Variants in EPHB2 observed in about 807,000 individuals in gnomAD.
The protein encoded by EPHB2 is ephrin type-B receptor 2.
EPHB2 carries 18 observed loss-of-function variants against 96.4 expected under a neutral mutation model. That is an observed-to-expected ratio of 0.19 (90% CI 0.13 to 0.28). EPHB2 has a LOEUF of 0.28. Ranked by LOEUF, EPHB2 falls within the 10% of genes least tolerant of loss-of-function variation. EPHB2 has a pLI of 1.00. For missense variants in EPHB2, 989 were observed against 1,355.4 expected (o/e 0.73, Z 4.25); for synonymous variants, 506 against 534.1 (o/e 0.95, Z 0.72).
chr1:22,836,160 G>T (rs1057058335), intron 3 of EPHB2: 1 of 152,226 alleles, frequency 6.6e-6, no homozygotes. Context: ...CCTTTCCAGC[G>T]TAGCCGCTTT....
intron 1 of EPHB2, among the ~76,000 whole-genome samples, chr1:22,761,918 G>A (rs986036828): frequency 2.0e-5 from 3 of 152,264 alleles, no homozygotes; most frequent in East Asian, 3.8e-4. Context: ...GGGCGTCCAC[G>A]TGTCTGCTGC....
chr1:22,776,945 CAG>C (rs751491356), intron 1 of EPHB2, among the ~76,000 whole-genome samples: 4 of 152,334 alleles, frequency 2.6e-5, no homozygotes, highest in East Asian at 1.9e-4. Flanking sequence ...CACCACCTCT[CAG>C]GGGACCACAG....
At chr1:22,800,321 C>T (rs1173864504) in intron 3 of EPHB2, 1 of 152,278 alleles carries the variant, frequency 6.6e-6, no homozygotes, top group Non-Finnish European at 1.5e-5. Flanking sequence ...GGGCTGCGCA[C>T]AGAGCTTGCC....
At position 22,919,988 on chromosome 1, in the gene EPHB2, AAG is replaced by A. The variant is rs1039982840; in HGVS notation, c.*6421_*6422del. 6.6e-6 allele frequency: 1 copy of A among 152,112 alleles called. No homozygotes were observed. The highest frequency in any genetic ancestry group is 1.5e-5 in the Non-Finnish European group (1 of 68,012). 9.4% of individuals were successfully genotyped at this position (152,112 alleles called of 1,614,324 possible). A position where few individuals can be genotyped will look rare whatever the true frequency, so the allele number is the denominator to read the frequency against. On this transcript the variant is annotated 3_prime_UTR_variant, in exon 16 of 16. Transcript: ENST00000374630. ...CATTTTTTTAAAAGCACAAAAAAAAAAGAGCAAGAAAGAGAGAAAGAGATGGG... is the reference window on the plus strand; with the variant it reads ...CATTTTTTTAAAAGCACAAAAAAAAAAGCAAGAAAGAGAGAAAGAGATGGG...
intron 3 of EPHB2, among the ~76,000 whole-genome samples, chr1:22,789,068 T>C (rs1401887679): frequency 2.0e-5 from 3 of 152,168 alleles, no homozygotes; most frequent in Admixed American, 2.0e-4. Context: ...TCAGCATTTT[T>C]AAACAAGCAG....
rs561916712 is a variant in EPHB2 at position 22,860,228 on chromosome 1, A to T, written c.812-2809A>T. On this transcript the variant is annotated intron_variant, in intron 3 of 15. Transcript: ENST00000374630. The surrounding 1 kb of genome is among the most constrained non-coding windows in gnomAD (Gnocchi z 4.6). ...GTGGGAGGAGGCCAGATGGCGTGAG[A>T]GGCTGAGGAGTGGGTGGAAAGAGCT... 6.6e-6 allele frequency among the ~76,000 whole-genome samples: 1 copy of T among 152,210 alleles called. No homozygotes were observed. The highest frequency in any genetic ancestry group is 1.9e-4 in the East Asian group (1 of 5,174).
intron 2 of EPHB2, among the ~76,000 whole-genome samples, chr1:22,781,898 C>T (rs1268679079): frequency 6.6e-6 from 1 of 152,132 alleles, no homozygotes; most frequent in Non-Finnish European, 1.5e-5. Context: ...GATGAGAAAA[C>T]CGAGGCTCAG....
chr1:22,831,526 T>C (rs529895314), intron 3 of EPHB2, among the ~76,000 whole-genome samples: 1 of 152,070 alleles, frequency 6.6e-6, no homozygotes, highest in South Asian at 2.1e-4. Flanking sequence ...GTCAGTCTAC[T>C]ATTATTTCCA....
chr1:22,795,465 CGTTTTGTTTT>C (rs71982185), intron 3 of EPHB2, among the ~76,000 whole-genome samples: 10 of 11,870 alleles, frequency 8.4e-4, no homozygotes, highest in South Asian at 2.1e-3. Context: ...AACTGGTTTC[CGTTTTGTTTT>C]GTTTTGTTTT....
chr1:22,827,678 C>A (rs1017796659), intron 3 of EPHB2, among the ~76,000 whole-genome samples: 13 of 152,208 alleles, frequency 8.5e-5, no homozygotes, highest in Non-Finnish European at 1.6e-4. Flanking sequence ...CTCAATCAAA[C>A]CATGCCAGTG....
chr1:22,865,017 G>A lies in EPHB2; in HGVS notation c.1108G>A (p.Gly370Ser), dbSNP rs749323641. 1 of 1,612,254 alleles carries A rather than the reference G, an allele frequency of 6.2e-7. No individual in the cohort carries two copies. The highest frequency in any genetic ancestry group is 1.7e-5 in the Admixed American group (1 of 59,980). Residue 370 changes from glycine (G) to serine (S), a missense_variant, in exon 5 of 16, where the codon GGT (glycine) becomes AGT (serine). Transcript: ENST00000374630. The part of the protein sequence containing the change: ...IICKSCGSGR[G>S]ACTRCGDNVQ... ...CTGCAAGAGCTGTGGCTCGGGCCGG[G>A]GTGCCTGCACCCGCTGCGGGGACAA...
At chr1:22,758,185 T>C (rs1644182511) in intron 1 of EPHB2, among the ~76,000 whole-genome samples, 1 of 150,998 alleles carries the variant, frequency 6.6e-6, no homozygotes, top group Non-Finnish European at 1.5e-5. Context: ...CCCAAAGTGC[T>C]GGGATTACAG....
intron 1 of EPHB2, among the ~76,000 whole-genome samples, chr1:22,764,623 A>G (rs776996486): frequency 6.6e-5 from 10 of 151,954 alleles, no homozygotes; most frequent in Non-Finnish European, 1.0e-4. Context: ...GCTCGCACCT[A>G]TAATCCCAGC....
At chr1:22,844,731 A>G (rs2148502032) in intron 3 of EPHB2, among the ~76,000 whole-genome samples, 1 of 152,348 alleles carries the variant, frequency 6.6e-6, no homozygotes, top group Non-Finnish European at 1.5e-5. Context: ...AAGCTGGGCC[A>G]GGCACCGGAT....
At chr1:22,785,140 G>GA in intron 3 of EPHB2, 64 bp downstream of exon 3, 1 of 1,588,294 alleles carries the variant, frequency 6.3e-7, no homozygotes, top group Non-Finnish European at 8.6e-7. Context: ...CTGCAGACTC[G>GA]GGCTGCAGAC....
chr1:22,893,184 T>C (rs935552861), intron 7 of EPHB2, 138 bp downstream of exon 7: 50 of 1,364,368 alleles, frequency 3.7e-5, no homozygotes, highest in Non-Finnish European at 4.8e-5. Flanking sequence ...CCCTCCCTCC[T>C]AATTTCGAAC....
In EPHB2 at chr1:22,876,532, G is replaced by T. The variant is rs946712693; in HGVS notation, c.1304-5827G>T. Among the ~76,000 whole-genome samples, 4 of 152,264 alleles carry T rather than the reference G, an allele frequency of 2.6e-5. No homozygotes were observed. The Middle Eastern group carries it at 0.01, about 388-fold the overall frequency. ...CACCTGCTCCAGACAAGCAGGCCCC[G>T]CCTGGCCGGCCTCCCCCTGCCCCTC... On this transcript the variant is annotated intron_variant, in intron 5 of 15. Coordinates refer to ENST00000374630, the MANE Select transcript of EPHB2 (RefSeq NM_017449.5).
chr1:22,756,628 G>T lies in EPHB2; in HGVS notation c.62-24793G>T, dbSNP rs560839605. ...GAGGCAGCCCTGGTGGGAGAGGGGAGAGCTGGAGGATGCTCTCCAGCCCAT... is the reference window on the plus strand; with the variant it reads ...GAGGCAGCCCTGGTGGGAGAGGGGATAGCTGGAGGATGCTCTCCAGCCCAT... On this transcript the variant is annotated intron_variant, in intron 1 of 15. Transcript: ENST00000374630. Among the ~76,000 whole-genome samples, 48 of 152,198 alleles carry T rather than the reference G, an allele frequency of 3.2e-4. No homozygotes were observed. The East Asian group carries it at 8.7e-3, about 28-fold the overall frequency.
chr1:22,731,864 A>G (rs959978382), intron 1 of EPHB2, among the ~76,000 whole-genome samples: 2 of 152,120 alleles, frequency 1.3e-5, no homozygotes, highest in African/African-American at 4.8e-5. Flanking sequence ...AACAACAACA[A>G]AATCATCACT....
Sources: gnomAD v4.1 joint callset for allele counts (sites outside exome capture counted in the v4.1 genomes callset) on GRCh38, gnomAD v4.1.1 for gene constraint, Gnocchi (gnomAD v3.1) non-coding constraint, MANE v1.5 for transcripts, NCBI Gene and HGNC (gene_info 2026-07-23, HGNC 2026-07-21) for gene names.